The following OSBPL1A variants were observed in gnomAD, a reference collection of about 807,000 sequenced individuals.
OSBPL1A encodes oxysterol-binding protein-related protein 1.
Under a neutral mutation model 137.1 loss-of-function variants are expected in OSBPL1A, and 80 were observed. The ratio of observed to expected loss-of-function variants is 0.58; its 90% CI spans 0.49 to 0.70. OSBPL1A has a LOEUF of 0.70. OSBPL1A is among the 30% of genes least tolerant of loss of function. The probability of loss-of-function intolerance (pLI) is 0.00; values close to 1 mark genes in which losing one functional copy is unlikely to be tolerated. For missense variants in OSBPL1A, 970 were observed against 1,129.4 expected (o/e 0.86, Z 2.02); for synonymous variants, 365 against 389.7 (o/e 0.94, Z 0.75).
chr18:24,201,106 T>C (rs2087207751), intron 17 of OSBPL1A, among the ~76,000 whole-genome samples: 1 of 152,182 alleles, frequency 6.6e-6, no homozygotes, highest in Non-Finnish European at 1.5e-5. Flanking sequence ...TTGCATTCTA[T>C]GCTTCCTTTT....
At chr18:24,166,804 C>A in intron 25 of OSBPL1A, 102 bp from the exon 26 acceptor site, 1 of 1,185,252 alleles carries the variant, frequency 8.4e-7, no homozygotes. Flanking sequence ...GACCCCCTCC[C>A]TTTCATGGTA....
At chr18:24,368,588 C>T in intron 2 of OSBPL1A, 1 of 472,208 alleles carries the variant, frequency 2.1e-6, no homozygotes, top group Non-Finnish European at 3.9e-6. Context: ...ATGTCTTCAC[C>T]TCTAAAGGGA....
chr18:24,351,532 GT>G (rs2091441662), intron 4 of OSBPL1A, among the ~76,000 whole-genome samples: 2 of 92,160 alleles, frequency 2.2e-5, no homozygotes, highest in Non-Finnish European at 4.4e-5. Context: ...ATTGTTTTTT[GT>G]TTGTTTGTTT....
chr18:24,221,070 C>T (rs963263957), intron 17 of OSBPL1A, among the ~76,000 whole-genome samples: 1 of 152,148 alleles, frequency 6.6e-6, no homozygotes, highest in Non-Finnish European at 1.5e-5. Context: ...CATGAGCCAC[C>T]GTGCCTGGCC....
intron 7 of OSBPL1A, among the ~76,000 whole-genome samples, chr18:24,326,455 C>T (rs75763270): frequency 1.3e-5 from 2 of 152,348 alleles, no homozygotes; most frequent in African/African-American, 4.8e-5. Context: ...ACGCCTGACA[C>T]AAGCAGGTAC....
At chr18:24,222,953 A>G (rs2087939366) in intron 17 of OSBPL1A, among the ~76,000 whole-genome samples, 1 of 152,076 alleles carries the variant, frequency 6.6e-6, no homozygotes, top group Non-Finnish European at 1.5e-5. Flanking sequence ...TCATAAGTAA[A>G]TGATTTTTTT....
chr18:24,221,941 A>T (rs1271722697), intron 17 of OSBPL1A, among the ~76,000 whole-genome samples: 1 of 152,134 alleles, frequency 6.6e-6, no homozygotes, highest in Middle Eastern at 3.2e-3. Flanking sequence ...TGTATATGGC[A>T]GCCTAGCCAA....
At chr18:24,287,426 T>A (rs569678387) in intron 14 of OSBPL1A, among the ~76,000 whole-genome samples, 1 of 152,288 alleles carries the variant, frequency 6.6e-6, no homozygotes, top group Admixed American at 6.5e-5. Flanking sequence ...AGTTTATCCA[T>A]TCTGAGTGCT....
intron 13 of OSBPL1A, among the ~76,000 whole-genome samples, chr18:24,309,343 ACT>A (rs539291382): frequency 2.0e-5 from 3 of 150,692 alleles, no homozygotes; most frequent in Non-Finnish European, 3.0e-5. Context: ...AAACTAACTC[ACT>A]CTCTCTCTCT....
At chr18:24,353,435 TG>T (rs2091478856) in intron 4 of OSBPL1A, among the ~76,000 whole-genome samples, 1 of 152,000 alleles carries the variant, frequency 6.6e-6, no homozygotes, top group East Asian at 1.9e-4. Flanking sequence ...CTGGAGAGGA[TG>T]TGGAGAAATA....
At chr18:24,242,165 A>G (rs1036174507) in intron 15 of OSBPL1A, among the ~76,000 whole-genome samples, 29 of 151,844 alleles carry the variant, frequency 1.9e-4, no homozygotes, top group Non-Finnish European at 3.7e-4. Flanking sequence ...TTAGGAGAAA[A>G]TTCCTAACGC....
intron 2 of OSBPL1A, among the ~76,000 whole-genome samples, chr18:24,376,076 G>A (rs764383954): frequency 6.6e-5 from 10 of 152,046 alleles, no homozygotes; most frequent in East Asian, 1.9e-4. Flanking sequence ...GATTTATTGC[G>A]AAGAGCAAAA....
chr18:24,347,445 A>C lies in OSBPL1A; in HGVS notation c.283-5787T>G, dbSNP rs1406915357. Among the ~76,000 whole-genome samples the C allele has an allele frequency of 7.2e-5, 11 of 152,296 alleles. No individual in the cohort carries two copies. The East Asian group carries it at 1.7e-3, about 24-fold the overall frequency. On this transcript the variant is annotated intron_variant, in intron 4 of 27. Coordinates refer to ENST00000319481, the MANE Select transcript of OSBPL1A (RefSeq NM_080597.4). ...GGCGATCCGCCCGTCTTGGCCTCTC[A>C]AAGTGCTGGAACTACAGGCGTAAGC...
intron 1 of OSBPL1A, among the ~76,000 whole-genome samples, chr18:24,389,300 A>T (rs1409107642): frequency 6.6e-6 from 1 of 152,208 alleles, no homozygotes; most frequent in Non-Finnish European, 1.5e-5. Context: ...GAGCTTCAAA[A>T]ATCAGGAGAT....
intron 15 of OSBPL1A, among the ~76,000 whole-genome samples, chr18:24,247,680 G>A (rs146679374): frequency 2.2e-3 from 63 of 28,376 alleles, no homozygotes; most frequent in Middle Eastern, 0.014. Context: ...ATGTTGCCCC[G>A]GCTGGTCTTG....
chr18:24,173,495 C>G (rs1475922097), intron 21 of OSBPL1A, among the ~76,000 whole-genome samples: 2 of 152,192 alleles, frequency 1.3e-5, no homozygotes, highest in African/African-American at 4.8e-5. Flanking sequence ...TCATTGCAAC[C>G]TTCACCTCCC....
intron 16 of OSBPL1A, among the ~76,000 whole-genome samples, chr18:24,233,096 C>G (rs1490761082): frequency 1.3e-5 from 2 of 152,140 alleles, no homozygotes; most frequent in Non-Finnish European, 2.9e-5. Context: ...GCGTTCTGAA[C>G]CTACAATATT....
rs187712963 is a variant in OSBPL1A at position 24,257,113 on chromosome 18, A to G, written c.1282-17731T>C. Among the ~76,000 whole-genome samples, 23 of 152,270 alleles carry G rather than the reference A, an allele frequency of 1.5e-4. 1 individual carries two copies. Among genetic ancestry groups the G allele is most frequent in the African/African-American group, 5.5e-4 (23 of 41,550 alleles). On this transcript the variant is annotated intron_variant, in intron 15 of 27. Coordinates refer to ENST00000319481, the MANE Select transcript of OSBPL1A (RefSeq NM_080597.4). The stretch of plus-strand genomic sequence containing the variant: ...AAATGCCAGTGACAATCTTCACAGA[A>G]ATAGAAAAAAACAATTTTAGAATTT...
At chr18:24,340,665 G>C (rs542932713) in intron 5 of OSBPL1A, among the ~76,000 whole-genome samples, 3 of 152,178 alleles carry the variant, frequency 2.0e-5, no homozygotes, top group Non-Finnish European at 4.4e-5. Flanking sequence ...AGTTAGCCGG[G>C]TGTGATGGTA....
Sources: gnomAD v4.1 joint callset for allele counts (sites outside exome capture counted in the v4.1 genomes callset) on GRCh38, gnomAD v4.1.1 for gene constraint, MANE v1.5 for transcripts, NCBI Gene and HGNC (gene_info 2026-07-23, HGNC 2026-07-21) for gene names.